The following MUCL3 variants were observed in gnomAD, a reference collection of about 807,000 sequenced individuals.
MUCL3 encodes mucin like 3, also known as mucin-like protein 3.
MUCL3 carries 42 observed loss-of-function variants against 70.2 expected under a neutral mutation model. That is an observed-to-expected ratio of 0.60 (90% confidence interval 0.47 to 0.77). The LOEUF is 0.77. Ranked by LOEUF, MUCL3 falls within the 30% of genes least tolerant of loss-of-function variation. The pLI is 0.00. For missense variants in MUCL3, 1,429 were observed against 1,670.0 expected, an observed-to-expected ratio of 0.86 and a Z score of 2.52; for synonymous variants, 522 against 647.0, an observed-to-expected ratio of 0.81 and a Z score of 2.93.
chr6:30,950,045 A>G lies in MUCL3; in HGVS notation c.1581A>G (p.Pro527=). ...CTACAGAACACGGAGAAAGGACCCC[A>G]CTGGCCAATGAGAACACCACACCAT... is the stretch of plus-strand genomic sequence containing the variant. ...AEPTEHGERT[P]LANENTTPSP... is the part of the protein sequence containing the mutation. The change falls in exon 2 of 3, where the codon CCA becomes CCG. Residue 527 remains proline (P), a synonymous_variant. Coordinates refer to ENST00000462446, the MANE Select transcript of MUCL3 (RefSeq NM_080870.4). The G allele has an allele frequency of 6.5e-7, 1 of 1,541,490 alleles. No individual in the cohort carries two copies. Among genetic ancestry groups the G allele is most frequent in the Non-Finnish European group, 8.7e-7 (1 of 1,143,630 alleles).
Position 30,948,677 on chromosome 6 carries a change from T to G in MUCL3, c.213T>G (p.Pro71=), listed in dbSNP as rs767060357. 6.4e-6 allele frequency: 10 copies of G among 1,551,490 alleles called. No homozygotes were observed. Among genetic ancestry groups the G allele is most frequent in the Non-Finnish European group, 8.7e-6 (10 of 1,146,992 alleles). The stretch of plus-strand genomic sequence containing the variant: ...TTGTTCTGCATTCAGGACAAAGACC[T>G]CCAGAGCTCCCTAAATCTACAGAAA... ...DHIVLHSGQR[P]PELPKSTEIH... is the part of the protein sequence containing the mutation. Residue 71 remains proline (P), a synonymous_variant, in exon 2 of 3, where the codon CCT becomes CCG. Coordinates refer to ENST00000462446, the MANE Select transcript of MUCL3 (RefSeq NM_080870.4).
chr6:30,945,376 C>G (rs943689549), intron 1 of MUCL3, among the ~76,000 whole-genome samples: 1 of 151,658 alleles, frequency 6.6e-6, no homozygotes, highest in East Asian at 1.9e-4. Flanking sequence ...CAGTGGCTCA[C>G]GCCTATAATC....
At chr6:30,944,778 TG>T (rs545676038) in intron 1 of MUCL3, among the ~76,000 whole-genome samples, 254 of 152,324 alleles carry the variant, frequency 1.7e-3, no homozygotes, top group Admixed American at 4.1e-3. Context: ...CGGGCTATGA[TG>T]GTTGTACGTG....
At chr6:30,941,453 TCTTC>T (rs1315612055) in intron 1 of MUCL3, among the ~76,000 whole-genome samples, 1 of 106,232 alleles carries the variant, frequency 9.4e-6, no homozygotes, top group Non-Finnish European at 1.9e-5. Flanking sequence ...TTCTTCTTCT[TCTTC>T]TTTTTTTTTT....
intron 2 of MUCL3, among the ~76,000 whole-genome samples, chr6:30,952,707 C>T (rs902309206): frequency 3.3e-5 from 5 of 151,886 alleles, no homozygotes; most frequent in African/African-American, 1.2e-4. Context: ...GGGGACAAGG[C>T]TGTGGCTGAG....
chr6:30,953,376 G>A lies in MUCL3; in HGVS notation c.*259G>A. 1 of 571,140 alleles carries A rather than the reference G, an allele frequency of 1.8e-6. No homozygotes were observed. The highest frequency in any genetic ancestry group is 3.1e-6 in the Non-Finnish European group (1 of 327,600). 35.4% of individuals were successfully genotyped at this position (571,140 alleles called of 1,614,324 possible). ...CTGTAGAAGGTAATGGTCTGAGAAT[G>A]AAAAGGTGTTTGATGGACATGTTGT... On this transcript the variant is annotated 3_prime_UTR_variant, in exon 3 of 3. Coordinates refer to ENST00000462446, the MANE Select transcript of MUCL3 (RefSeq NM_080870.4).
Position 30,952,457 on chromosome 6 carries a change from G to A in MUCL3, c.3993G>A (p.Val1331=). Residue 1331 remains valine (V), a synonymous_variant, in exon 2 of 3, where the codon GTG becomes GTA. Transcript: ENST00000462446. The part of the protein sequence containing the change: ...PAWAIVIVVL[V]AVILLLVFLG... The stretch of plus-strand genomic sequence containing the variant: ...GGGCCATAGTTATTGTGGTCCTGGT[G>A]GCTGTGATTCTCCTCCTGGTGTTCC... 6.2e-7 allele frequency: 1 copy of A among 1,611,154 alleles called. No individual in the cohort carries two copies. Among genetic ancestry groups the A allele is most frequent in the Non-Finnish European group, 8.5e-7 (1 of 1,178,822 alleles).
intron 1 of MUCL3, among the ~76,000 whole-genome samples, chr6:30,947,574 G>T (rs1795828197): frequency 6.6e-6 from 1 of 151,520 alleles, no homozygotes; most frequent in Non-Finnish European, 1.5e-5. Flanking sequence ...CCATCAGGTT[G>T]TTTTTCCATG....
Position 30,953,498 on chromosome 6 carries a change from G to A in MUCL3, c.*381G>A. On this transcript the variant is annotated 3_prime_UTR_variant, in exon 3 of 3. Transcript: ENST00000462446. ...CTGACTTGTGAGTGGGGTTTATGGG[G>A]AAAGGGAGGGACTGAGGGCAGAGTC... The A allele has an allele frequency of 4.1e-6, 1 of 242,340 alleles. No individual in the cohort carries two copies. The highest frequency in any genetic ancestry group is 8.0e-6 in the Non-Finnish European group (1 of 124,982). The allele number at this position is 242,340 out of a possible 1,614,324, so 15.0% of individuals were successfully genotyped here. A position where few individuals can be genotyped will look rare whatever the true frequency, so the allele number is the denominator to read the frequency against.
Position 30,941,032 on chromosome 6 carries a change from CT to C in MUCL3, c.36del (p.Phe12LeufsTer11). ...AGCCGGTCCACAGCCTCTGCTCCGC[CT>C]TTGGCCTCCAGTGCTGCCTCCTCTT... Reference protein sequence around the residue: ...AQPVHSLCSAFGLQCCLLFLL... With the variant: ...AQPVHSLCSAXGLQCCLLFLL... On this transcript the variant is annotated frameshift_variant, in exon 1 of 3. Coordinates refer to ENST00000462446, the MANE Select transcript of MUCL3 (RefSeq NM_080870.4). LOFTEE classifies it high-confidence loss of function. 1.3e-6 allele frequency: 2 copies of C among 1,550,670 alleles called. No homozygotes were observed.
At chr6:30,948,411 T>C (rs1305416693) in intron 1 of MUCL3, 136 bp from the exon 2 acceptor site, 2 of 692,582 alleles carry the variant, frequency 2.9e-6, no homozygotes, top group Admixed American at 6.5e-5. Flanking sequence ...GGGGAATAGA[T>C]ATCATAGTAT....
intron 1 of MUCL3, among the ~76,000 whole-genome samples, chr6:30,945,312 C>T (rs141782778): frequency 2.7e-4 from 41 of 152,098 alleles, no homozygotes; most frequent in South Asian, 1.5e-3. Context: ...CTGGAGACAG[C>T]GATGAACAAA....
At position 30,952,152 on chromosome 6, in the gene MUCL3, G is replaced by A; in HGVS notation, c.3688G>A (p.Glu1230Lys). The A allele has an allele frequency of 6.2e-7, 1 of 1,613,744 alleles. No individual in the cohort carries two copies. The highest frequency in any genetic ancestry group is 8.5e-7 in the Non-Finnish European group (1 of 1,179,932). Residue 1230 changes from glutamate to lysine, a missense_variant, in exon 2 of 3, where the codon GAA (glutamate) becomes AAA (lysine). Coordinates refer to ENST00000462446, the MANE Select transcript of MUCL3 (RefSeq NM_080870.4). The part of the protein sequence containing the change: ...ETIKAPVKST[E>K]NPEKTAAVTK... ...CATAAAAGCCCCAGTAAAGTCCACA[G>A]AAAACCCAGAAAAAACAGCAGCAGT... is the stretch of plus-strand genomic sequence containing the variant.
rs1165866687 is a variant in MUCL3, at chr6:30,948,790, A to G, written c.326A>G (p.Lys109Arg). 1 of 1,551,666 alleles carries G rather than the reference A, an allele frequency of 6.4e-7. No homozygotes were observed. ...PTGNSKTIDH[K>R]SSTDNHEAPP... ...GGCAACTCCAAAACTATAGACCACAAAAGCTCTACAGATAATCATGAGGCT... is the reference window on the plus strand; with the variant it reads ...GGCAACTCCAAAACTATAGACCACAGAAGCTCTACAGATAATCATGAGGCT... Residue 109 changes from lysine (K) to arginine (R), a missense_variant, in exon 2 of 3, where the codon AAA becomes AGA. Lys to Arg is a conservative substitution (Grantham distance 26, BLOSUM62 2). Coordinates refer to ENST00000462446, the MANE Select transcript of MUCL3 (RefSeq NM_080870.4).
At chr6:30,952,914 G>C in intron 2 of MUCL3, 57 bp from the exon 3 acceptor site, 1 of 1,594,652 alleles carries the variant, frequency 6.3e-7, no homozygotes, top group East Asian at 2.2e-5. Context: ...TGAGGTGAGT[G>C]TTGTGGAAAA....
chr6:30,950,902 A>T lies in MUCL3; in HGVS notation c.2438A>T (p.Glu813Val). The T allele has an allele frequency of 1.3e-6, 2 of 1,551,196 alleles. No homozygotes were observed. The highest frequency in any genetic ancestry group is 1.7e-6 in the Non-Finnish European group (2 of 1,146,942). The change falls in exon 2 of 3, where the codon GAG becomes GTG. Residue 813 changes from glutamate to valine, a missense_variant. By Grantham distance (121) the Glu-to-Val change is moderately radical. Coordinates refer to ENST00000462446, the MANE Select transcript of MUCL3 (RefSeq NM_080870.4). ...GCAGAAAGGACTCCACTGGCCAATGAGAACACCACATCATCCCCAGCAGAG... is the reference window on the plus strand; with the variant it reads ...GCAGAAAGGACTCCACTGGCCAATGTGAACACCACATCATCCCCAGCAGAG... Reference protein sequence around the residue: ...EHAERTPLANENTTSSPAEPT... With the variant: ...EHAERTPLANVNTTSSPAEPT...
chr6:30,951,055 G>C lies in MUCL3; in HGVS notation c.2591G>C (p.Arg864Thr). 1 of 1,551,110 alleles carries C rather than the reference G, an allele frequency of 6.4e-7. No individual in the cohort carries two copies. The highest frequency in any genetic ancestry group is 8.7e-7 in the Non-Finnish European group (1 of 1,147,006). The part of the protein sequence containing the change: ...TPFPAEPTEN[R>T]EWTANENTTL... ...TTCCCAGCAGAGCCTACAGAAAATAGAGAATGGACAGCCAATGAGAACACC... is the reference window on the plus strand; with the variant it reads ...TTCCCAGCAGAGCCTACAGAAAATACAGAATGGACAGCCAATGAGAACACC... The change falls in exon 2 of 3, where the codon AGA (arginine) becomes ACA (threonine). Residue 864 changes from arginine to threonine, a missense_variant. Arg to Thr is a moderately conservative substitution (Grantham distance 71, BLOSUM62 -1). Transcript: ENST00000462446.
At chr6:30,943,144 T>C (rs995095632) in intron 1 of MUCL3, among the ~76,000 whole-genome samples, 1 of 152,184 alleles carries the variant, frequency 6.6e-6, no homozygotes, top group Non-Finnish European at 1.5e-5. Flanking sequence ...TAGTCTACCA[T>C]TCTGGTGAGG....
intron 1 of MUCL3, among the ~76,000 whole-genome samples, chr6:30,943,117 G>A (rs1795646820): frequency 6.6e-6 from 1 of 152,134 alleles, no homozygotes. Flanking sequence ...GGGACAACTG[G>A]GATGGATGAA....
Sources: gnomAD v4.1 joint callset for allele counts (sites outside exome capture counted in the v4.1 genomes callset) on GRCh38, gnomAD v4.1.1 for gene constraint, MANE v1.5 for transcripts, NCBI Gene and HGNC (gene_info 2026-07-23, HGNC 2026-07-21) for gene names.